Variants in CD8A observed in about 807,000 individuals in gnomAD.
CD8A encodes CD8 subunit alpha.
CD8A carries 25 observed loss-of-function variants against 24.2 expected under a neutral mutation model. That is an observed-to-expected ratio of 1.03 (90% CI 0.75 to 1.44). The LOEUF (loss-of-function observed/expected upper bound fraction) is 1.44. CD8A is among the 40% of genes most tolerant of loss of function. The pLI is 0.00. For synonymous variants in CD8A, 165 were observed against 149.9 expected (o/e 1.10, Z -0.74); for missense variants, 360 against 319.7 (o/e 1.13, Z -0.96).
intron 4 of CD8A, among the ~76,000 whole-genome samples, chr2:86,789,053 C>A (rs2104435151): frequency 6.6e-6 from 1 of 152,344 alleles, no homozygotes; most frequent in East Asian, 1.9e-4. Flanking sequence ...CATGTGCGCG[C>A]GCGCTGCGGG....
intron 1 of CD8A, among the ~76,000 whole-genome samples, chr2:86,807,938 G>A (rs1673972400): frequency 1.3e-5 from 2 of 152,158 alleles, no homozygotes. Flanking sequence ...CAACCGCACC[G>A]GTGGAGACAG....
In CD8A at chr2:86,785,977, A is replaced by C. The variant is rs1425896607; in HGVS notation, c.657-6T>G. 2 of 1,613,320 alleles carry C rather than the reference A, an allele frequency of 1.2e-6. No individual in the cohort carries two copies. The highest frequency in any genetic ancestry group is 1.7e-6 in the Non-Finnish European group (2 of 1,179,222). On this transcript the variant is annotated splice_region_variant and splice_polypyrimidine_tract_variant and intron_variant, in intron 5 of 5. Transcript: ENST00000283635. The stretch of plus-strand genomic sequence containing the variant: ...CTCCCGATTTGACCACAGGCCTGAA[A>C]GAGAGGAAAGCGACCATCATTGTAG...
intron 3 of CD8A, among the ~76,000 whole-genome samples, chr2:86,798,246 G>A (rs1463040126): frequency 1.3e-5 from 2 of 151,690 alleles, no homozygotes; most frequent in African/African-American, 4.8e-5. Flanking sequence ...CACGATGTTG[G>A]CTCACCGCAA....
chr2:86,801,665 A>G (rs1365550099), intron 2 of CD8A: 3 of 150,920 alleles, frequency 2.0e-5, no homozygotes, highest in Admixed American at 6.6e-5. Context: ...TGTCTTTTTG[A>G]AAAAAAAAGG....
rs1051228668 is a variant in CD8A at position 86,790,319 on chromosome 2, C to A, written c.403+9G>T. On this transcript the variant is annotated intron_variant, in intron 2 of 5. Coordinates refer to ENST00000283635, the MANE Select transcript of CD8A (RefSeq NM_001768.7). ...CACGCGGAGAGGTGCCGCAACCCGG[C>A]GCGCGGACCTGGCAGGAAGACCGGC... 2 of 1,605,392 alleles carry A rather than the reference C, an allele frequency of 1.2e-6. No homozygotes were observed. The highest frequency in any genetic ancestry group is 1.1e-5 in the South Asian group (1 of 90,874).
intron 5 of CD8A, among the ~76,000 whole-genome samples, chr2:86,787,445 C>T (rs1238553890): frequency 6.6e-6 from 1 of 152,080 alleles, no homozygotes; most frequent in African/African-American, 2.4e-5. Context: ...CTGGTGTACA[C>T]AGTCGGTTAT....
upstream of CD8A, chr2:86,791,421 G>A: frequency 4.6e-6 from 2 of 430,486 alleles, no homozygotes; most frequent in South Asian, 1.6e-5. Context: ...AGATTTCCAT[G>A]AGAGCGGCAG....
At chr2:86,791,212 T>G, upstream of CD8A, 2 of 432,838 alleles carry the variant, frequency 4.6e-6, no homozygotes, top group Non-Finnish European at 8.8e-6. Context: ...AGGGCGAGAG[T>G]AGGCAGCAAA....
At position 86,790,784 on chromosome 2, in the gene CD8A, C is replaced by G; in HGVS notation, c.42G>C (p.Leu14Phe). The G allele has an allele frequency of 6.5e-7, 1 of 1,547,634 alleles. No individual in the cohort carries two copies. Among genetic ancestry groups the G allele is most frequent in the Non-Finnish European group, 8.7e-7 (1 of 1,150,682 alleles). The change falls in exon 1 of 6, where the codon TTG becomes TTC. Residue 14 changes from leucine to phenylalanine, a missense_variant. By Grantham distance (22) the Leu-to-Phe change is conservative. Transcript: ENST00000283635. ...CGGGCGTCTCAAACTCACGGAGCAG[C>G]AAGGCCAGCGGCAGGAGCAAGGCGG... ...PVTALLLPLA[L>F]LLHAARPSQF...
At chr2:86,791,086 C>T (rs1039517899), upstream of CD8A, 2 of 695,274 alleles carry the variant, frequency 2.9e-6, no homozygotes, top group African/African-American at 3.5e-5. Flanking sequence ...CAACTGGGGG[C>T]AGCTGAAAAC....
chr2:86,797,008 C>A (rs942930679), intron 3 of CD8A, among the ~76,000 whole-genome samples: 6 of 152,168 alleles, frequency 3.9e-5, no homozygotes, highest in Admixed American at 2.0e-4. Context: ...GGCTGCAGCA[C>A]CTGACTAAAT....
At chr2:86,805,236 G>A (rs535586226) in intron 2 of CD8A, among the ~76,000 whole-genome samples, 3 of 152,118 alleles carry the variant, frequency 2.0e-5, no homozygotes, top group African/African-American at 7.2e-5. Context: ...TTTTGGGCTG[G>A]GTTTTGCTGT....
chr2:86,797,486 T>C (rs1673519614), intron 3 of CD8A, among the ~76,000 whole-genome samples: 1 of 152,086 alleles, frequency 6.6e-6, no homozygotes, highest in Non-Finnish European at 1.5e-5. Context: ...TGTAAGCTCA[T>C]GTCTGCCCCT....
intron 2 of CD8A, among the ~76,000 whole-genome samples, chr2:86,802,677 C>G (rs532279330): frequency 2.0e-5 from 3 of 152,226 alleles, no homozygotes; most frequent in African/African-American, 7.2e-5. Flanking sequence ...ACAATCTCCA[C>G]TCACTGCAAC....
At chr2:86,788,146 T>C (rs1286015339) in intron 5 of CD8A, among the ~76,000 whole-genome samples, 1 of 151,964 alleles carries the variant, frequency 6.6e-6, no homozygotes, top group Non-Finnish European at 1.5e-5. Flanking sequence ...GAAAAAAAAT[T>C]GTTTTCTTAA....
chr2:86,804,749 G>C (rs992012266), intron 2 of CD8A, among the ~76,000 whole-genome samples: 2 of 147,212 alleles, frequency 1.4e-5, no homozygotes, highest in Admixed American at 1.4e-4. Context: ...GCCTCCCAAA[G>C]TGCTGAGATT....
chr2:86,804,104 A>T (rs1157480100), intron 2 of CD8A, among the ~76,000 whole-genome samples: 1 of 152,222 alleles, frequency 6.6e-6, no homozygotes, highest in African/African-American at 2.4e-5. Context: ...ATGATGCATA[A>T]GTCAATTTGT....
chr2:86,785,733 T>G lies in CD8A; in HGVS notation c.*187A>C, dbSNP rs756865398. On this transcript the variant is annotated 3_prime_UTR_variant, in exon 6 of 6. Transcript: ENST00000283635. ...GTGACCCTTGTGGTGTACTGTAGAT[T>G]TTACCTAGTTTTGTTTCCCGTCAAA... 5 of 747,412 alleles carry G rather than the reference T, an allele frequency of 6.7e-6. No homozygotes were observed. Among genetic ancestry groups the G allele is most frequent in the Non-Finnish European group, 1.2e-5 (5 of 406,280 alleles). The allele number at this position is 747,412 out of a possible 1,614,324, so 46.3% of individuals were successfully genotyped here.
upstream of CD8A, among the ~76,000 whole-genome samples, chr2:86,795,101 T>C (rs1391777145): frequency 1.3e-5 from 2 of 152,176 alleles, no homozygotes; most frequent in Non-Finnish European, 2.9e-5. Context: ...AGCACAATGG[T>C]TTGTTTGCCT....
Sources: allele counts gnomAD v4.1 joint callset (sites outside exome capture counted in the v4.1 genomes callset), GRCh38; gene constraint gnomAD v4.1.1; transcripts MANE v1.5; gene names NCBI Gene and HGNC (gene_info 2026-07-23, HGNC 2026-07-21).